RGS7: variants seen among roughly 807,000 people sequenced by gnomAD.
RGS7 encodes regulator of G protein signaling 7.
Under a neutral mutation model 81.1 loss-of-function variants are expected in RGS7, and 27 were observed. That is an observed-to-expected ratio of 0.33 (90% confidence interval 0.25 to 0.46). The LOEUF (loss-of-function observed/expected upper bound fraction) is 0.46, where lower values mean the gene tolerates loss of function less well. RGS7 is among the 20% of genes least tolerant of loss of function. The probability of loss-of-function intolerance (pLI) is 1.00; values close to 1 mark genes in which losing one functional copy is unlikely to be tolerated. For synonymous variants in RGS7, 208 were observed against 207.7 expected (o/e 1.00, Z -0.01); for missense variants, 396 against 607.4 (o/e 0.65, Z 3.66).
chr1:241,016,386 C>A (rs774620348), intron 3 of RGS7, among the ~76,000 whole-genome samples: 2 of 151,974 alleles, frequency 1.3e-5, no homozygotes, highest in African/African-American at 4.8e-5. Context: ...GGTGTGGCGG[C>A]ATGCACCTGT....
chr1:241,341,616 G>A (rs1051540454), intron 2 of RGS7, among the ~76,000 whole-genome samples: 5 of 151,934 alleles, frequency 3.3e-5, no homozygotes, highest in Admixed American at 2.0e-4. Context: ...GAGAGAAAGA[G>A]AGGAAGACAA....
At chr1:240,948,625 T>G (rs1462869676) in intron 4 of RGS7, among the ~76,000 whole-genome samples, 1 of 151,898 alleles carries the variant, frequency 6.6e-6, no homozygotes, top group Non-Finnish European at 1.5e-5. Flanking sequence ...ATAATTTTAG[T>G]AGAGACTGGG....
chr1:241,271,558 T>G lies in RGS7; in HGVS notation c.78+84141A>C, dbSNP rs925741912. The stretch of plus-strand genomic sequence containing the variant: ...TATCTGGTTAAACATTATTTTTGGG[T>G]GTGTCTGTGAGAGGCTTTCTGGAAG... On this transcript the variant is annotated intron_variant, in intron 2 of 18. Transcript: ENST00000440928. This position sits in a 1 kb window ranked among gnomAD's most constrained non-coding sequence, Gnocchi z 4.6. 6.6e-6 allele frequency among the ~76,000 whole-genome samples: 1 copy of G among 152,276 alleles called. No individual in the cohort carries two copies. Among genetic ancestry groups the G allele is most frequent in the South Asian group, 2.1e-4 (1 of 4,822 alleles).
At chr1:241,151,447 A>G (rs58016750) in intron 2 of RGS7, among the ~76,000 whole-genome samples, 1,722 of 152,182 alleles carry the variant, frequency 0.011, 40 homozygotes, top group East Asian at 0.06. Context: ...ACCTGCATGC[A>G]GCGGGTGAAG....
At chr1:240,892,778 T>C (rs990113794) in intron 6 of RGS7, among the ~76,000 whole-genome samples, 5 of 152,134 alleles carry the variant, frequency 3.3e-5, no homozygotes, top group African/African-American at 7.2e-5. Context: ...CTGTTTTCTG[T>C]CCATAAATCT....
chr1:241,260,159 T>C (rs1249626260), intron 2 of RGS7, among the ~76,000 whole-genome samples: 2 of 152,198 alleles, frequency 1.3e-5, no homozygotes, highest in Non-Finnish European at 2.9e-5. Flanking sequence ...TCTATTGATC[T>C]CACTCTTCTT....
At chr1:240,962,242 G>A (rs1681577341) in intron 4 of RGS7, among the ~76,000 whole-genome samples, 2 of 152,224 alleles carry the variant, frequency 1.3e-5, no homozygotes, top group South Asian at 2.1e-4. Context: ...AAGCTCTGGT[G>A]AATCTCCCTT....
At chr1:240,911,617 T>C (rs937072784) in intron 6 of RGS7, among the ~76,000 whole-genome samples, 3 of 152,150 alleles carry the variant, frequency 2.0e-5, no homozygotes, top group African/African-American at 7.2e-5. Context: ...TAGCTAAACA[T>C]CCAGCTATCT....
chr1:241,029,483 T>C (rs1366682598), intron 3 of RGS7, among the ~76,000 whole-genome samples: 1 of 152,236 alleles, frequency 6.6e-6, no homozygotes, highest in Non-Finnish European at 1.5e-5. Context: ...ACACATCTGC[T>C]AAAGAACCTT....
At chr1:241,292,716 C>T (rs1037111432) in intron 2 of RGS7, among the ~76,000 whole-genome samples, 6 of 152,142 alleles carry the variant, frequency 3.9e-5, no homozygotes, top group African/African-American at 1.4e-4. Context: ...TATGGCCAAG[C>T]AGCCTAATCT....
intron 2 of RGS7, among the ~76,000 whole-genome samples, chr1:241,234,784 G>A (rs1200930353): frequency 6.6e-6 from 1 of 151,764 alleles, no homozygotes; most frequent in African/African-American, 2.4e-5. Context: ...TTCAGTACCT[G>A]GTGCTGTGCC....
rs546287145 is a variant in RGS7, at chr1:241,135,444, A to G, written c.79-36682T>C. The stretch of plus-strand genomic sequence containing the variant: ...TCCGTCTGAACAACAACAACAAAAA[A>G]CAAAAAAAGCAGCATGTTGCTCCAC... On this transcript the variant is annotated intron_variant, in intron 2 of 18. Coordinates refer to ENST00000440928, the MANE Select transcript of RGS7 (RefSeq NM_001364886.1). Among the ~76,000 whole-genome samples, 245 of 152,232 alleles carry G rather than the reference A, an allele frequency of 1.6e-3. 1 individual carries two copies. The highest frequency in any genetic ancestry group is 2.7e-3 in the Non-Finnish European group (186 of 68,020).
Position 241,256,840 on chromosome 1 carries a change from G to A in RGS7, c.78+98859C>T, listed in dbSNP as rs191041452. Among the ~76,000 whole-genome samples, 25 of 151,576 alleles carry A rather than the reference G, an allele frequency of 1.6e-4. No homozygotes were observed. The East Asian group carries it at 4.7e-3, about 28-fold the overall frequency. On this transcript the variant is annotated intron_variant, in intron 2 of 18. Transcript: ENST00000440928. ...ATTTTAACACATGAGTTTTGGGGAG[G>A]CACAAATGTTCAGTCCATAGCAAGG...
At chr1:241,341,783 G>GT (rs898968615) in intron 2 of RGS7, among the ~76,000 whole-genome samples, 1 of 151,318 alleles carries the variant, frequency 6.6e-6, no homozygotes, top group Admixed American at 6.6e-5. Context: ...CCTTGAAGAG[G>GT]TTTAGTAACT....
chr1:240,791,384 C>T (rs10158110), intron 18 of RGS7, among the ~76,000 whole-genome samples: 6,448 of 152,172 alleles, frequency 0.042, 148 homozygotes, highest in East Asian at 0.11. Flanking sequence ...CAAAAACATA[C>T]GAAAAATTTA....
intron 14 of RGS7, among the ~76,000 whole-genome samples, chr1:240,811,060 G>C (rs1013106802): frequency 6.6e-6 from 1 of 152,150 alleles, no homozygotes; most frequent in Non-Finnish European, 1.5e-5. Flanking sequence ...TGAAAAGAAC[G>C]TGACCATGCC....
At chr1:240,999,911 G>GT (rs1490499319) in intron 3 of RGS7, among the ~76,000 whole-genome samples, 3 of 152,106 alleles carry the variant, frequency 2.0e-5, no homozygotes, top group East Asian at 3.8e-4. Flanking sequence ...CCTGATGAAT[G>GT]TTTTTTAAAA....
chr1:241,325,275 G>A (rs934833761), intron 2 of RGS7, among the ~76,000 whole-genome samples: 1 of 152,194 alleles, frequency 6.6e-6, no homozygotes, highest in Admixed American at 6.5e-5. Context: ...GGGAGGCACT[G>A]AAACCCTTTT....
intron 2 of RGS7, among the ~76,000 whole-genome samples, chr1:241,321,358 T>C (rs966271657): frequency 6.6e-6 from 1 of 152,182 alleles, no homozygotes; most frequent in African/African-American, 2.4e-5. Context: ...AGCAGTTTTT[T>C]TTATCCTCAC....
Sources: allele counts gnomAD v4.1 joint callset (sites outside exome capture counted in the v4.1 genomes callset), GRCh38; gene constraint gnomAD v4.1.1; non-coding constraint Gnocchi (gnomAD v3.1); transcripts MANE v1.5; gene names NCBI Gene and HGNC (gene_info 2026-07-23, HGNC 2026-07-21).